Variants in SLC38A6 observed in about 807,000 individuals in gnomAD.
SLC38A6 encodes the protein N system amino acid transporter NAT-1.
SLC38A6 carries 73 observed loss-of-function variants against 65.0 expected under a neutral mutation model. The ratio of observed to expected loss-of-function variants is 1.12; its 90% CI spans 0.93 to 1.37. The LOEUF is 1.37. Ranked by LOEUF, SLC38A6 falls within the 40% of genes most tolerant of loss-of-function variation. The pLI is 0.00. For missense variants in SLC38A6, 561 were observed against 531.1 expected (o/e 1.06, Z -0.55); for synonymous variants, 183 against 178.8 (o/e 1.02, Z -0.19).
chr14:61,036,869 AATTC>A (rs1431568521), intron 6 of SLC38A6, among the ~76,000 whole-genome samples, 186 bp from the exon 7 acceptor site: 1 of 151,938 alleles, frequency 6.6e-6, no homozygotes, highest in Admixed American at 6.6e-5. Flanking sequence ...TCTAAATGTC[AATTC>A]ATTAATAAGA....
At chr14:61,031,540 T>C (rs2040991270) in intron 6 of SLC38A6, among the ~76,000 whole-genome samples, 1 of 152,142 alleles carries the variant, frequency 6.6e-6, no homozygotes, top group Admixed American at 6.5e-5. Flanking sequence ...AAATGATTTC[T>C]CTTCATCAGA....
chr14:61,033,254 C>T (rs947255598), intron 6 of SLC38A6, among the ~76,000 whole-genome samples: 6 of 151,744 alleles, frequency 4.0e-5, no homozygotes, highest in Admixed American at 1.3e-4. Context: ...GAAATTAAAG[C>T]GACTTATAAA....
intron 15 of SLC38A6, among the ~76,000 whole-genome samples, chr14:61,067,756 C>G (rs1479333931): frequency 6.6e-6 from 1 of 152,060 alleles, no homozygotes; most frequent in Non-Finnish European, 1.5e-5. Context: ...CATATACATA[C>G]ATACATATGT....
intron 1 of SLC38A6, chr14:60,981,836 G>A (rs1594936231): frequency 2.2e-6 from 2 of 892,216 alleles, no homozygotes; most frequent in East Asian, 1.2e-4. Context: ...TAGAATGGAA[G>A]TGGCTTGGTA....
intron 8 of SLC38A6, among the ~76,000 whole-genome samples, chr14:61,039,773 G>A (rs970603024): frequency 6.6e-6 from 1 of 151,936 alleles, no homozygotes; most frequent in African/African-American, 2.4e-5. Flanking sequence ...AAGGATACCA[G>A]TTTTTCATTT....
At chr14:61,041,910 A>G (rs2041840309) in intron 8 of SLC38A6, among the ~76,000 whole-genome samples, 1 of 152,008 alleles carries the variant, frequency 6.6e-6, no homozygotes, top group Non-Finnish European at 1.5e-5. Flanking sequence ...AAAAAAAACA[A>G]GAAAAGAAAC....
At chr14:61,069,204 C>A (rs1318132392) in intron 15 of SLC38A6, among the ~76,000 whole-genome samples, 1 of 152,164 alleles carries the variant, frequency 6.6e-6, no homozygotes, top group East Asian at 1.9e-4. Flanking sequence ...CCATATCTAC[C>A]TGCTAGCAGA....
At chr14:60,998,857 C>A (rs565092402) in intron 3 of SLC38A6, among the ~76,000 whole-genome samples, 1 of 152,248 alleles carries the variant, frequency 6.6e-6, no homozygotes, top group Admixed American at 6.5e-5. Flanking sequence ...AGCCCTGTCG[C>A]AGGCCCTGCC....
At chr14:61,019,794 T>C (rs1446680797) in intron 5 of SLC38A6, among the ~76,000 whole-genome samples, 1 of 152,120 alleles carries the variant, frequency 6.6e-6, no homozygotes, top group Non-Finnish European at 1.5e-5. Context: ...AAACCCTGAT[T>C]GCAGTCGTGT....
At chr14:61,022,222 T>C (rs2040377955) in intron 5 of SLC38A6, among the ~76,000 whole-genome samples, 1 of 152,096 alleles carries the variant, frequency 6.6e-6, no homozygotes, top group Non-Finnish European at 1.5e-5. Flanking sequence ...CTTTAACAAA[T>C]CAATAACTAT....
chr14:60,983,992 C>A (rs1299116594), intron 2 of SLC38A6, among the ~76,000 whole-genome samples: 2 of 152,062 alleles, frequency 1.3e-5, no homozygotes, highest in African/African-American at 4.8e-5. Flanking sequence ...ATTAACTGGA[C>A]CACAGAGAGA....
intron 3 of SLC38A6, among the ~76,000 whole-genome samples, chr14:60,997,495 C>T (rs1439452435): frequency 1.3e-5 from 2 of 152,138 alleles, no homozygotes; most frequent in African/African-American, 4.8e-5. Flanking sequence ...CCAGGTCATG[C>T]CTGCCCTCTG....
At chr14:61,042,970 C>G (rs2041898803) in intron 8 of SLC38A6, among the ~76,000 whole-genome samples, 177 bp from the exon 9 acceptor site, 1 of 152,194 alleles carries the variant, frequency 6.6e-6, no homozygotes, top group Non-Finnish European at 1.5e-5. Context: ...CCAACCGCCT[C>G]CCTACCACAG....
chr14:61,070,468 T>C (rs2043192073), intron 15 of SLC38A6, among the ~76,000 whole-genome samples: 1 of 152,204 alleles, frequency 6.6e-6, no homozygotes, highest in South Asian at 2.1e-4. Flanking sequence ...CCAATAGACA[T>C]TTAGGTTGTT....
intron 3 of SLC38A6, among the ~76,000 whole-genome samples, chr14:60,997,617 A>C (rs2038386597): frequency 6.6e-6 from 1 of 152,230 alleles, no homozygotes; most frequent in African/African-American, 2.4e-5. Context: ...GTAGATTAGC[A>C]GTCAGGCCGG....
At chr14:61,039,737 G>A (rs748896622) in intron 8 of SLC38A6, among the ~76,000 whole-genome samples, 3 of 151,822 alleles carry the variant, frequency 2.0e-5, no homozygotes, top group Admixed American at 6.6e-5. Flanking sequence ...AAAAGGAAAC[G>A]TATATATATT....
chr14:60,986,931 C>T (rs2037490179), intron 3 of SLC38A6: 3 of 206,930 alleles, frequency 1.4e-5, no homozygotes, highest in South Asian at 6.1e-5. Context: ...TTTACTCCTT[C>T]GGTTCACATG....
chr14:61,029,383 C>T (rs775930882), intron 5 of SLC38A6, among the ~76,000 whole-genome samples: 22 of 152,106 alleles, frequency 1.4e-4, no homozygotes, highest in Non-Finnish European at 3.1e-4. Context: ...TCTCGAACTC[C>T]TGACCTCGTC....
chr14:61,045,249 A>G, intron 10 of SLC38A6, 97 bp from the exon 11 acceptor site: 1 of 765,374 alleles, frequency 1.3e-6, no homozygotes, highest in Non-Finnish European at 2.2e-6. Flanking sequence ...AAATGTAATC[A>G]AATTGATTTT....
Sources: gnomAD v4.1 joint callset for allele counts (sites outside exome capture counted in the v4.1 genomes callset) on GRCh38, gnomAD v4.1.1 for gene constraint, MANE v1.5 for transcripts, NCBI Gene and HGNC (gene_info 2026-07-23, HGNC 2026-07-21) for gene names.